The following ATP8B1 variants were observed in gnomAD, a reference collection of about 807,000 sequenced individuals.
The protein encoded by ATP8B1 is ATPase phospholipid transporting 8B1.
In ATP8B1, 80 loss-of-function variants were observed where a neutral mutation model predicts 149.9. The observed-to-expected ratio is 0.53, with a 90% CI of 0.45 to 0.64. The LOEUF is 0.64. Ranked by LOEUF, ATP8B1 falls within the 30% of genes least tolerant of loss-of-function variation. ATP8B1 has a pLI of 0.00. For missense variants in ATP8B1, 1,247 were observed against 1,552.6 expected (o/e 0.80, Z 3.31); for synonymous variants, 536 against 562.8 (o/e 0.95, Z 0.67).
At chr18:57,790,894 T>C (rs1459899463) in intron 1 of ATP8B1, among the ~76,000 whole-genome samples, 1 of 152,064 alleles carries the variant, frequency 6.6e-6, no homozygotes, top group African/African-American at 2.4e-5. Context: ...CTAATTTTTG[T>C]ATTTTTTAGT....
intron 2 of ATP8B1, among the ~76,000 whole-genome samples, chr18:57,706,906 A>G (rs1407625340): frequency 6.6e-6 from 1 of 152,242 alleles, no homozygotes; most frequent in African/African-American, 2.4e-5. Context: ...TCTCCCTTGT[A>G]GCTCTCAGAA....
chr18:57,744,118 C>A (rs2079942937), intron 1 of ATP8B1, among the ~76,000 whole-genome samples: 1 of 151,952 alleles, frequency 6.6e-6, no homozygotes, highest in South Asian at 2.1e-4. Flanking sequence ...AGTTTGAGAC[C>A]AGCCTGGCCA....
intron 6 of ATP8B1, among the ~76,000 whole-genome samples, chr18:57,699,464 C>T (rs925937926): frequency 6.6e-6 from 1 of 151,812 alleles, no homozygotes. Flanking sequence ...CGGCCGGGCC[C>T]GGTGGCTCAC....
chr18:57,795,314 G>A (rs2080503237), intron 1 of ATP8B1, among the ~76,000 whole-genome samples: 1 of 151,880 alleles, frequency 6.6e-6, no homozygotes, highest in African/African-American at 2.4e-5. Flanking sequence ...GAAGCGGGAG[G>A]ATGGCTTGAG....
At chr18:57,791,718 C>T (rs1218734648) in intron 1 of ATP8B1, among the ~76,000 whole-genome samples, 1 of 152,130 alleles carries the variant, frequency 6.6e-6, no homozygotes, top group Non-Finnish European at 1.5e-5. Context: ...TTCATTCATT[C>T]GTCGGTGGAT....
intron 10 of ATP8B1, 94 bp downstream of exon 10, chr18:57,695,077 C>T (rs1165846763): frequency 3.4e-5 from 20 of 579,754 alleles, no homozygotes; most frequent in South Asian, 2.7e-4. Flanking sequence ...TATTACTCTT[C>T]TTTTGGTTTT....
chr18:57,691,200 AG>A (rs972579130), intron 12 of ATP8B1, among the ~76,000 whole-genome samples: 7 of 151,816 alleles, frequency 4.6e-5, no homozygotes, highest in African/African-American at 1.7e-4. Flanking sequence ...AAAAAGTAAA[AG>A]TAAAAAATGA....
At chr18:57,733,574 C>T (rs1017500096) in intron 1 of ATP8B1, among the ~76,000 whole-genome samples, 20 of 152,046 alleles carry the variant, frequency 1.3e-4, no homozygotes, top group African/African-American at 1.9e-4. Flanking sequence ...GACGTGGTAG[C>T]GGGCACCTGT....
chr18:57,702,891 T>C (rs1376245406), intron 4 of ATP8B1, among the ~76,000 whole-genome samples: 1 of 149,084 alleles, frequency 6.7e-6, no homozygotes, highest in Non-Finnish European at 1.5e-5. Flanking sequence ...AGAAGATAAC[T>C]GGGGTGCAGT....
chr18:57,707,089 G>A (rs1034441943), intron 2 of ATP8B1, among the ~76,000 whole-genome samples: 2 of 152,146 alleles, frequency 1.3e-5, no homozygotes, highest in Non-Finnish European at 2.9e-5. Flanking sequence ...GGTGAATCAC[G>A]AGGTCAGGAG....
At chr18:57,768,983 C>T (rs1421790217) in intron 1 of ATP8B1, among the ~76,000 whole-genome samples, 1 of 152,182 alleles carries the variant, frequency 6.6e-6, no homozygotes, top group Non-Finnish European at 1.5e-5. Context: ...AGCCCGCCTT[C>T]CACTTTCCAT....
At chr18:57,743,972 C>G (rs34522602) in intron 1 of ATP8B1, among the ~76,000 whole-genome samples, 2,188 of 152,236 alleles carry the variant, frequency 0.014, 30 homozygotes, top group Non-Finnish European at 0.024. Flanking sequence ...CCTCCACCAT[C>G]ACACTCAGCA....
intron 4 of ATP8B1, among the ~76,000 whole-genome samples, chr18:57,702,595 T>A (rs1438560893): frequency 6.6e-6 from 1 of 152,222 alleles, no homozygotes; most frequent in East Asian, 1.9e-4. Context: ...CGGTAGCTCA[T>A]GCTTGTAATC....
chr18:57,761,401 T>C (rs2080157392), intron 1 of ATP8B1, among the ~76,000 whole-genome samples: 1 of 152,164 alleles, frequency 6.6e-6, no homozygotes, highest in Admixed American at 6.6e-5. Context: ...CCTTAGCAAG[T>C]CACATCCTCA....
At chr18:57,657,260 C>T (rs1489517766) in intron 22 of ATP8B1, among the ~76,000 whole-genome samples, 9 of 150,748 alleles carry the variant, frequency 6.0e-5, no homozygotes, top group East Asian at 1.9e-4. Context: ...TTTTTCTTTA[C>T]GGGGGAAGGT....
At chr18:57,688,124 C>T (rs1339252134) in intron 13 of ATP8B1, among the ~76,000 whole-genome samples, 175 bp downstream of exon 13, 1 of 152,124 alleles carries the variant, frequency 6.6e-6, no homozygotes, top group African/African-American at 2.4e-5. Context: ...ACGCATGTGT[C>T]CCCAGTGCTG....
chr18:57,768,951 C>G (rs1042217833), intron 1 of ATP8B1, among the ~76,000 whole-genome samples: 2 of 152,198 alleles, frequency 1.3e-5, no homozygotes, highest in South Asian at 2.1e-4. Context: ...TCCACAAGGA[C>G]TTTACCAGCC....
chr18:57,740,260 A>G (rs2079898771), intron 1 of ATP8B1, among the ~76,000 whole-genome samples: 1 of 150,900 alleles, frequency 6.6e-6, no homozygotes, highest in Non-Finnish European at 1.5e-5. Context: ...CTGGTCCTTC[A>G]TCATTTTTTT....
chr18:57,651,699 C>T (rs1002037486), intron 26 of ATP8B1, among the ~76,000 whole-genome samples: 2 of 151,770 alleles, frequency 1.3e-5, no homozygotes, highest in Admixed American at 1.3e-4. Flanking sequence ...GCAGTGCCAT[C>T]ACGACTCACT....
Sources: allele counts gnomAD v4.1 joint callset (sites outside exome capture counted in the v4.1 genomes callset), GRCh38; gene constraint gnomAD v4.1.1; transcripts MANE v1.5; gene names NCBI Gene and HGNC (gene_info 2026-07-23, HGNC 2026-07-21).